The following LEMD1 variants were observed in gnomAD, a reference collection of about 807,000 sequenced individuals.
LEMD1 encodes the protein LEM domain-containing protein 1.
In LEMD1, 18 loss-of-function variants were observed where a neutral mutation model predicts 17.4. That is an observed-to-expected ratio of 1.04 (90% confidence interval 0.72 to 1.54). The LOEUF is 1.54. Ranked by LOEUF, LEMD1 falls within the 40% of genes most tolerant of loss-of-function variation. The pLI is 0.00. For missense variants in LEMD1, 195 were observed against 210.4 expected, an observed-to-expected ratio of 0.93 and a Z score of 0.45; for synonymous variants, 88 against 77.8, an observed-to-expected ratio of 1.13 and a Z score of -0.69.
chr1:205,426,745 G>T (rs182178181), upstream of LEMD1, among the ~76,000 whole-genome samples: 3 of 152,294 alleles, frequency 2.0e-5, no homozygotes, highest in African/African-American at 7.2e-5. Context: ...TAGGCCCCCA[G>T]GTCCCTTCAG....
At chr1:205,410,596 C>T (rs531443884) in intron 4 of LEMD1, among the ~76,000 whole-genome samples, 1 of 152,282 alleles carries the variant, frequency 6.6e-6, no homozygotes, top group South Asian at 2.1e-4. Context: ...CCTGCCCCAC[C>T]CCCAAATGCC....
At chr1:205,407,411 A>T (rs1412522780) in intron 4 of LEMD1, among the ~76,000 whole-genome samples, 2 of 152,048 alleles carry the variant, frequency 1.3e-5, no homozygotes, top group Non-Finnish European at 2.9e-5. Context: ...TGAAGGTTGA[A>T]TTAATCACTG....
chr1:205,446,038 A>C (rs1666382861), intron 1 of LEMD1, among the ~76,000 whole-genome samples: 1 of 152,206 alleles, frequency 6.6e-6, no homozygotes, highest in African/African-American at 2.4e-5. Context: ...TGAGGACTGT[A>C]AAAAAGACTT....
At chr1:205,427,503 GAGAGAC>G (rs925071892) in intron 1 of LEMD1, among the ~76,000 whole-genome samples, 19 of 151,530 alleles carry the variant, frequency 1.3e-4, no homozygotes, top group Non-Finnish European at 2.1e-4. Context: ...GAGAGAGAGA[GAGAGAC>G]AGAGAGAGAG....
At chr1:205,414,372 C>A in intron 4 of LEMD1, among the ~76,000 whole-genome samples, 1 of 148,272 alleles carries the variant, frequency 6.7e-6, no homozygotes, top group African/African-American at 2.5e-5. Context: ...CACTCGAGGC[C>A]AAGAGTTCGA....
At chr1:205,404,255 C>G (rs1664986900) in intron 4 of LEMD1, among the ~76,000 whole-genome samples, 1 of 151,946 alleles carries the variant, frequency 6.6e-6, no homozygotes, top group South Asian at 2.1e-4. Context: ...CCTGGGTATC[C>G]TTGTTAACTT....
At chr1:205,434,277 T>C (rs1249311131) in intron 1 of LEMD1, among the ~76,000 whole-genome samples, 6 of 150,240 alleles carry the variant, frequency 4.0e-5, no homozygotes, top group African/African-American at 1.5e-4. Flanking sequence ...GCTCAAGGGA[T>C]CCTCCCACCT....
chr1:205,394,591 G>T (rs189228391), intron 4 of LEMD1, among the ~76,000 whole-genome samples: 1 of 152,090 alleles, frequency 6.6e-6, no homozygotes, highest in African/African-American at 2.4e-5. Flanking sequence ...TGCCATGTTG[G>T]CTGGGCTGGA....
At chr1:205,406,819 A>G (rs1665137035) in intron 4 of LEMD1, among the ~76,000 whole-genome samples, 1 of 152,236 alleles carries the variant, frequency 6.6e-6, no homozygotes, top group Admixed American at 6.5e-5. Flanking sequence ...TGGGAGCTGT[A>G]GACAGGAGCT....
intron 4 of LEMD1, chr1:205,386,996 A>T (rs1664064769): frequency 6.6e-6 from 1 of 152,216 alleles, no homozygotes; most frequent in Non-Finnish European, 1.5e-5. Context: ...CTTCTTTTTA[A>T]TTCGCTTAAA....
chr1:205,444,705 T>A (rs1666353304), intron 1 of LEMD1, among the ~76,000 whole-genome samples: 1 of 152,142 alleles, frequency 6.6e-6, no homozygotes, highest in Non-Finnish European at 1.5e-5. Context: ...TTTGGCAATG[T>A]CCTTCATCAG....
At chr1:205,439,208 T>A (rs964715166) in intron 1 of LEMD1, among the ~76,000 whole-genome samples, 15 of 152,256 alleles carry the variant, frequency 9.9e-5, no homozygotes, top group Admixed American at 9.8e-4. Context: ...AGGGAGTTTT[T>A]CTTCTGTCCT....
upstream of LEMD1, among the ~76,000 whole-genome samples, chr1:205,424,359 G>A (rs1666029391): frequency 6.6e-6 from 1 of 152,170 alleles, no homozygotes; most frequent in South Asian, 2.1e-4. Context: ...GGAGAAGTTT[G>A]GGTTTCAGTG....
At position 205,397,169 on chromosome 1, in the gene LEMD1, C is replaced by T. The variant is rs1286493642; in HGVS notation, c.271-12805G>A. 2.0e-5 allele frequency among the ~76,000 whole-genome samples: 3 copies of T among 152,118 alleles called. No homozygotes were observed. In the East Asian group the frequency reaches 5.8e-4, roughly 29 times the overall value. ...TTGCTTCCGCGGGAAAACAGATGTC[C>T]CGAGTCCTTCTGTAATACCATGGAA... is the stretch of plus-strand genomic sequence containing the variant. On this transcript the variant is annotated intron_variant, in intron 4 of 5. Coordinates refer to ENST00000367153, the MANE Select transcript of LEMD1 (RefSeq NM_001199050.2).
At chr1:205,410,788 C>T (rs1417042850) in intron 4 of LEMD1, among the ~76,000 whole-genome samples, 2 of 151,824 alleles carry the variant, frequency 1.3e-5, no homozygotes, top group Non-Finnish European at 2.9e-5. Context: ...TTAACTTGAG[C>T]TCAAGGAGGT....
chr1:205,386,866 T>C (rs1391615563), intron 4 of LEMD1: 2 of 152,224 alleles, frequency 1.3e-5, no homozygotes. Context: ...TTTCAAGCTA[T>C]TTCCAAGGGT....
intron 4 of LEMD1, among the ~76,000 whole-genome samples, chr1:205,393,641 A>C (rs1392992171): frequency 6.6e-6 from 1 of 151,162 alleles, no homozygotes; most frequent in African/African-American, 2.4e-5. Flanking sequence ...GTGCCACTGC[A>C]CTCCAGACTG....
At chr1:205,426,756 G>T (rs556227885), upstream of LEMD1, among the ~76,000 whole-genome samples, 29 of 152,268 alleles carry the variant, frequency 1.9e-4, no homozygotes, top group Admixed American at 7.8e-4. Flanking sequence ...GTCCCTTCAG[G>T]TTCCAGGATC....
chr1:205,385,702 GC>G (rs1207144242), intron 4 of LEMD1: 1 of 152,242 alleles, frequency 6.6e-6, no homozygotes, highest in Non-Finnish European at 1.5e-5. Context: ...ATCTCATGGA[GC>G]TGTCTCCTAT....
Sources: gnomAD v4.1 joint callset for allele counts (sites outside exome capture counted in the v4.1 genomes callset) on GRCh38, gnomAD v4.1.1 for gene constraint, MANE v1.5 for transcripts, NCBI Gene and HGNC (gene_info 2026-07-23, HGNC 2026-07-21) for gene names.